Variants in KDM5C observed in about 807,000 individuals in gnomAD.
KDM5C encodes lysine demethylase 5C, also known as lysine-specific demethylase 5C.
Under a neutral mutation model 110.6 loss-of-function variants are expected in KDM5C, and 16 were observed. That is an observed-to-expected ratio of 0.14 (90% CI 0.10 to 0.22). The LOEUF is 0.22. Among genes scored for constraint, KDM5C ranks in the 10% least tolerant of loss-of-function variants. The pLI is 1.00. For synonymous variants in KDM5C, 511 were observed against 520.4 expected (o/e 0.98, Z 0.24); for missense variants, 681 against 1,300.9 (o/e 0.52, Z 7.33).
chrX:53,201,927 G>C lies in KDM5C; in HGVS notation c.1793C>G (p.Pro598Arg), dbSNP rs1556842216. The change falls in exon 13 of 26, where the codon CCC becomes CGC. Residue 598 changes from proline (P) to arginine (R), a missense_variant. By Grantham distance (103) the Pro-to-Arg change is moderately radical. Around this residue, in one of 14 missense-constraint regions of KDM5C, gnomAD observed 41 missense variants for 205.9 expected, o/e 0.20. Coordinates refer to ENST00000375401, the MANE Select transcript of KDM5C (RefSeq NM_004187.5). Reference protein sequence around the residue: ...QCAGEFVITFPRAYHSGFNQG... With the variant: ...QCAGEFVITFRRAYHSGFNQG... ...GTTGAAGCCGCTGTGGTAAGCACGG[G>C]GGAAGGTGATGACAAACTCTCCTGC... 8.3e-7 allele frequency: 1 copy of C among 1,210,432 alleles called. No homozygotes were observed. The highest frequency in any genetic ancestry group is 3.0e-5 in the East Asian group (1 of 33,806).
intron 8 of KDM5C, chrX:53,214,398 C>T: frequency 3.2e-6 from 1 of 314,911 alleles, no homozygotes; most frequent in East Asian, 4.9e-5. Context: ...TTCCTCTCCT[C>T]TGAACTTCTA....
chrX:53,219,166 T>C (rs1354446848), intron 2 of KDM5C, among the ~76,000 whole-genome samples: 4 of 112,592 alleles, frequency 3.6e-5, no homozygotes, highest in African/African-American at 1.3e-4. Context: ...GGACTCCTTT[T>C]TCCTTTTACT....
intron 12 of KDM5C, among the ~76,000 whole-genome samples, chrX:53,208,319 G>A (rs1475637266): frequency 4.7e-5 from 5 of 107,191 alleles, no homozygotes; most frequent in African/African-American, 1.0e-4. Flanking sequence ...CAAAAAGCAC[G>A]TATTTTGGAT....
intron 12 of KDM5C, among the ~76,000 whole-genome samples, chrX:53,209,719 G>A (rs1162663827): frequency 8.9e-6 from 1 of 111,825 alleles, no homozygotes; most frequent in Non-Finnish European, 1.9e-5. Context: ...CCAGAAAACT[G>A]GCTGATGCTA....
At position 53,195,548 on chromosome X, in the gene KDM5C, A is replaced by C. The variant is rs1457426914; in HGVS notation, c.3121-138T>G. 30 of 605,458 alleles carry C rather than the reference A, an allele frequency of 5.0e-5. No homozygotes were observed. In the South Asian group the frequency reaches 7.6e-4, roughly 15 times the overall value. The allele number at this position is 605,458 out of a possible 1,213,427, so 49.9% of individuals were successfully genotyped here. A position where few individuals can be genotyped will look rare whatever the true frequency, so the allele number is the denominator to read the frequency against. On this transcript the variant is annotated intron_variant, in intron 20 of 25. Coordinates refer to ENST00000375401, the MANE Select transcript of KDM5C (RefSeq NM_004187.5). ...AAAAATAGGTGTCATCCTAAGGAAC[A>C]ACCACTTGGCTCTCTCCCACAACAC...
rs782565145 is a variant in KDM5C at position 53,196,674 on chromosome X, A to G, written c.2981+12T>C. The G allele has an allele frequency of 2.5e-6, 3 of 1,187,731 alleles. No homozygotes were observed. Among genetic ancestry groups the G allele is most frequent in the East Asian group, 5.9e-5 (2 of 33,646 alleles). The stretch of plus-strand genomic sequence containing the variant: ...GAATAGGGCAGGGAAGGGAAGCAGC[A>G]GCTGGACCTACCTGGCCTCCAGGCA... On this transcript the variant is annotated intron_variant, in intron 19 of 25. Coordinates refer to ENST00000375401, the MANE Select transcript of KDM5C (RefSeq NM_004187.5).
chrX:53,183,209 C>T (rs1041016425), intron 25 of KDM5C, among the ~76,000 whole-genome samples: 3 of 99,994 alleles, frequency 3.0e-5, no homozygotes, highest in East Asian at 3.1e-4. Context: ...GAGGACTGCT[C>T]GAGCCCAGGA....
At position 53,215,929 on chromosome X, in the gene KDM5C, ACTC is replaced by A. The variant is rs1556851596; in HGVS notation, c.826_828del (p.Glu276del). 3 of 1,210,152 alleles carry A rather than the reference ACTC, an allele frequency of 2.5e-6. No individual in the cohort carries two copies. The highest frequency in any genetic ancestry group is 3.5e-5 in the South Asian group (2 of 56,919). On this transcript the variant is annotated inframe_deletion, in exon 7 of 26. Coordinates refer to ENST00000375401, the MANE Select transcript of KDM5C (RefSeq NM_004187.5). Reference sequence around the variant, plus strand: ...GACTCCACCTTCACATCCCCACCTAACTCCTCCTTCACCACTACTGTGGGGGGA... The same window carrying A: ...GACTCCACCTTCACATCCCCACCTAACTCCTTCACCACTACTGTGGGGGGA...
chrX:53,185,324 T>TAAA (rs201407894), intron 25 of KDM5C, among the ~76,000 whole-genome samples: 3,550 of 111,994 alleles, frequency 0.032, 63 homozygotes, highest in Non-Finnish European at 0.054. Flanking sequence ...GAGATGACAA[T>TAAA]AAATACAATG....
In KDM5C at chrX:53,214,963, T is replaced by A. The variant is rs139939140; in HGVS notation, c.964-116A>T. The A allele has an allele frequency of 7.5e-4, 571 of 762,055 alleles. 4 individuals are homozygous for A. The African/African-American group carries it at 0.011, about 15-fold the overall frequency. 62.8% of individuals were successfully genotyped at this position (762,055 alleles called of 1,213,427 possible). A position where few individuals can be genotyped will look rare whatever the true frequency, so the allele number is the denominator to read the frequency against. On this transcript the variant is annotated intron_variant, in intron 7 of 25. Transcript: ENST00000375401. ...TAGGTCTGGAGCTCAACTGCACGTA[T>A]GTACCATCTCCCCAAATAAGCAGGT...
At position 53,192,550 on chromosome X, in the gene KDM5C, G is replaced by A; in HGVS notation, c.*417C>T. 2.7e-6 allele frequency: 1 copy of A among 374,928 alleles called. No individual in the cohort carries two copies. 30.9% of individuals were successfully genotyped at this position (374,928 alleles called of 1,213,427 possible). ...GGTAGGAAGGAAGGAAAAGAGGGGA[G>A]GAGAGTGGGGGCAGGGGTTAGTGTA... On this transcript the variant is annotated 3_prime_UTR_variant, in exon 26 of 26. Transcript: ENST00000375401.
Position 53,181,695 on chromosome X carries a change from A to G in KDM5C, c.4309-5073T>C, listed in dbSNP as rs782001542. ...TGTCTCAAAAAAAAAAAAAAAAAAA[A>G]AAAAGAAAAAGAAAAAAAGAAACCT... On this transcript the variant is annotated intron_variant, in intron 25 of 25. Coordinates refer to the KDM5C transcript ENST00000685641. 3.4e-3 allele frequency among the ~76,000 whole-genome samples: 376 copies of G among 109,007 alleles called. 2 individuals carry two copies. The highest frequency in any genetic ancestry group is 0.012 in the African/African-American group (352 of 29,958). 94.7% of individuals were successfully genotyped at this position (109,007 alleles called of 115,157 possible).
chrX:53,203,227 G>GA (rs1241765139), intron 12 of KDM5C, among the ~76,000 whole-genome samples: 1 of 111,955 alleles, frequency 8.9e-6, no homozygotes, highest in Non-Finnish European at 1.9e-5. Context: ...TCTAATGCTT[G>GA]ATAAGCATTT....
At chrX:53,212,715 C>T (rs2073609503) in intron 8 of KDM5C, 1 of 110,287 alleles carries the variant, frequency 9.1e-6, no homozygotes, top group Non-Finnish European at 1.9e-5. Context: ...AGATGGAAAA[C>T]AGGGCCGGGC....
In KDM5C at chrX:53,196,868, C is replaced by T. The variant is rs1334336527; in HGVS notation, c.2799G>A (p.Glu933=). 8.3e-7 allele frequency: 1 copy of T among 1,205,073 alleles called. No individual in the cohort carries two copies. Among genetic ancestry groups the T allele is most frequent in the African/African-American group, 1.7e-5 (1 of 57,866 alleles). The change falls in exon 19 of 26, where the codon GAG becomes GAA. Residue 933 remains glutamate, a synonymous_variant. Transcript: ENST00000375401. ...CTGAGGGGGCCAGTGTGCGTTTCAC[C>T]TCATCCAGCCATCGCGCCTGTTCCA... The part of the protein sequence containing the change: ...RQVEQARWLD[E]VKRTLAPSAR...
At chrX:53,194,015 T>C in intron 23 of KDM5C, 124 bp downstream of exon 23, 1 of 996,954 alleles carries the variant, frequency 1.0e-6, no homozygotes. Flanking sequence ...AGATGCAGAA[T>C]GGAGTAGGAA....
chrX:53,223,448 T>C (rs781940714), intron 1 of KDM5C, among the ~76,000 whole-genome samples: 61 of 111,272 alleles, frequency 5.5e-4, no homozygotes, highest in African/African-American at 1.8e-3. Context: ...CCTAGATCTG[T>C]GGCTGAGCAC....
At chrX:53,205,440 T>A (rs189940162) in intron 12 of KDM5C, among the ~76,000 whole-genome samples, 1 of 112,343 alleles carries the variant, frequency 8.9e-6, no homozygotes, top group East Asian at 2.8e-4. Context: ...ACATCAGCAT[T>A]TCTTTCTTAC....
rs782637039 is a variant in KDM5C, at chrX:53,223,262, G to A, written c.150+1478C>T. ...CAGGCTTGCCCAACCACTTCAGGGA[G>A]TGCCTCCTTGAGGCTGCCCAGGACT... On this transcript the variant is annotated intron_variant, in intron 1 of 25. Coordinates refer to ENST00000375401, the MANE Select transcript of KDM5C (RefSeq NM_004187.5). Among the ~76,000 whole-genome samples, 4 of 111,649 alleles carry A rather than the reference G, an allele frequency of 3.6e-5. No homozygotes were observed. The Admixed American group carries it at 3.8e-4, about 11-fold the overall frequency.
Sources: allele counts gnomAD v4.1 joint callset (sites outside exome capture counted in the v4.1 genomes callset), GRCh38; gene constraint gnomAD v4.1.1; regional missense constraint gnomAD v4.1.1; transcripts MANE v1.5; gene names NCBI Gene and HGNC (gene_info 2026-07-23, HGNC 2026-07-21).